Variants in PLPP4 observed in about 807,000 individuals in gnomAD.
The protein encoded by PLPP4 is phospholipid phosphatase 4, also known as diacylglycerol pyrophosphate like 2.
A neutral mutation model predicts 32.2 loss-of-function variants in PLPP4; 20 were observed. That is an observed-to-expected ratio of 0.62 (90% confidence interval 0.44 to 0.90). The LOEUF (loss-of-function observed/expected upper bound fraction) is 0.90, where lower values mean the gene tolerates loss of function less well. Ranked by LOEUF, PLPP4 falls within the 40% of genes least tolerant of loss-of-function variation. The pLI is 0.00. For synonymous variants in PLPP4, 127 were observed against 133.0 expected, an observed-to-expected ratio of 0.95 and a Z score of 0.31; for missense variants, 257 against 353.1, an observed-to-expected ratio of 0.73 and a Z score of 2.18.
intron 1 of PLPP4, among the ~76,000 whole-genome samples, chr10:120,460,550 C>T (rs1163153304): frequency 2.6e-5 from 4 of 152,070 alleles, no homozygotes; most frequent in Non-Finnish European, 4.4e-5. Flanking sequence ...AAGACTATCC[C>T]GTATGCCATT....
intron 1 of PLPP4, among the ~76,000 whole-genome samples, chr10:120,483,946 T>C (rs1483755546): frequency 6.6e-6 from 1 of 152,172 alleles, no homozygotes; most frequent in Non-Finnish European, 1.5e-5. Context: ...CTTTATAAAT[T>C]ACCCAGTCTC....
intron 5 of PLPP4, among the ~76,000 whole-genome samples, chr10:120,555,099 G>A (rs1848093941): frequency 1.3e-5 from 2 of 152,028 alleles, no homozygotes; most frequent in Non-Finnish European, 2.9e-5. Context: ...GGGGGTGGGG[G>A]TGGAAGAGAG....
intron 5 of PLPP4, among the ~76,000 whole-genome samples, chr10:120,552,162 T>TGG (rs1430350545): frequency 1.1e-4 from 9 of 79,690 alleles, no homozygotes; most frequent in African/African-American, 1.6e-4. Flanking sequence ...TTAGTGGTGG[T>TGG]GGGGTGTGTG....
intron 1 of PLPP4, among the ~76,000 whole-genome samples, chr10:120,492,562 C>T (rs965070258): frequency 6.6e-6 from 1 of 152,204 alleles, no homozygotes; most frequent in Non-Finnish European, 1.5e-5. Context: ...TATTCCTCCC[C>T]ACAGCTGCTG....
rs899669550 is a variant in PLPP4, at chr10:120,491,857, A to G, written c.57-11961A>G. Among the ~76,000 whole-genome samples, 5 of 152,250 alleles carry G rather than the reference A, an allele frequency of 3.3e-5. No individual in the cohort carries two copies. The South Asian group carries it at 1.0e-3, about 32-fold the overall frequency. On this transcript the variant is annotated intron_variant, in intron 1 of 6. Transcript: ENST00000398250. ...CAACAACAACAAAACCCAACAACAAACATACAAGCAAACAAAAAAACCCAA... is the reference window on the plus strand; with the variant it reads ...CAACAACAACAAAACCCAACAACAAGCATACAAGCAAACAAAAAAACCCAA...
chr10:120,462,837 G>A (rs1408302756), intron 1 of PLPP4, among the ~76,000 whole-genome samples: 1 of 152,110 alleles, frequency 6.6e-6, no homozygotes, highest in African/African-American at 2.4e-5. Flanking sequence ...AGCACCGCAG[G>A]GTGGAGGCAG....
At chr10:120,486,686 C>A (rs1360657108) in intron 1 of PLPP4, among the ~76,000 whole-genome samples, 2 of 152,212 alleles carry the variant, frequency 1.3e-5, no homozygotes, top group African/African-American at 4.8e-5. Flanking sequence ...GACGTTTTTG[C>A]CATTGCTTAT....
intron 5 of PLPP4, among the ~76,000 whole-genome samples, chr10:120,540,850 A>C (rs992445589): frequency 6.6e-6 from 1 of 152,214 alleles, no homozygotes; most frequent in African/African-American, 2.4e-5. Context: ...GAGAAGTGAG[A>C]GCATTTCTGA....
intron 1 of PLPP4, among the ~76,000 whole-genome samples, chr10:120,474,719 G>GA (rs1308027905): frequency 6.6e-6 from 1 of 152,164 alleles, no homozygotes; most frequent in Non-Finnish European, 1.5e-5. Context: ...AACTGGGGTT[G>GA]TTTGGCTTTA....
At chr10:120,575,723 G>T (rs1400680723) in intron 6 of PLPP4, among the ~76,000 whole-genome samples, 1 of 152,144 alleles carries the variant, frequency 6.6e-6, no homozygotes, top group Non-Finnish European at 1.5e-5. Context: ...TCTTCCGAAA[G>T]GTATATCTAG....
chr10:120,552,165 G>GTGTGTGTGTGTGTGT (rs1847932096), intron 5 of PLPP4, among the ~76,000 whole-genome samples: 1 of 138,546 alleles, frequency 7.2e-6, no homozygotes, highest in Admixed American at 7.3e-5. Flanking sequence ...GTGGTGGTGG[G>GTGTGTGTGTGTGTGT]GTGTGTGTGT....
At chr10:120,489,397 T>C (rs1395772833) in intron 1 of PLPP4, among the ~76,000 whole-genome samples, 1 of 152,008 alleles carries the variant, frequency 6.6e-6, no homozygotes, top group Non-Finnish European at 1.5e-5. Flanking sequence ...CTTCAGAGAG[T>C]GGGACCAAGG....
chr10:120,513,706 C>T (rs1038942473), intron 2 of PLPP4, among the ~76,000 whole-genome samples: 7 of 152,154 alleles, frequency 4.6e-5, no homozygotes, highest in African/African-American at 1.7e-4. Flanking sequence ...TTATAACCTA[C>T]AATCAGATCT....
chr10:120,486,597 ATAT>A (rs1844467844), intron 1 of PLPP4, among the ~76,000 whole-genome samples: 1 of 152,230 alleles, frequency 6.6e-6, no homozygotes, highest in Non-Finnish European at 1.5e-5. Flanking sequence ...GTTACACGTT[ATAT>A]TATTGTTTTA....
intron 6 of PLPP4, among the ~76,000 whole-genome samples, chr10:120,583,896 G>A (rs1849634244): frequency 6.6e-6 from 1 of 152,236 alleles, no homozygotes; most frequent in Admixed American, 6.5e-5. Flanking sequence ...GGTGGTAGGT[G>A]TGAGGCCACA....
intron 5 of PLPP4, among the ~76,000 whole-genome samples, chr10:120,564,863 A>G (rs868486500): frequency 1.3e-5 from 2 of 152,082 alleles, no homozygotes; most frequent in African/African-American, 2.4e-5. Flanking sequence ...AAATTTTTAA[A>G]TAGGGAGCAA....
At chr10:120,587,397 G>GCC (rs1849812494) in intron 6 of PLPP4, 2 of 152,182 alleles carry the variant, frequency 1.3e-5, no homozygotes, top group African/African-American at 4.8e-5. Flanking sequence ...AACTTATGCT[G>GCC]CCATCACGGA....
At chr10:120,511,833 C>G (rs934507032) in intron 2 of PLPP4, among the ~76,000 whole-genome samples, 1 of 152,164 alleles carries the variant, frequency 6.6e-6, no homozygotes, top group Non-Finnish European at 1.5e-5. Flanking sequence ...GTGGCTCACA[C>G]CTGTAATCCC....
chr10:120,555,716 G>A (rs1848132155), intron 5 of PLPP4, among the ~76,000 whole-genome samples: 2 of 152,208 alleles, frequency 1.3e-5, no homozygotes, highest in Admixed American at 1.3e-4. Context: ...TTCAAGTCTT[G>A]TATCTATCAC....
Sources: gnomAD v4.1 joint callset for allele counts (sites outside exome capture counted in the v4.1 genomes callset) on GRCh38, gnomAD v4.1.1 for gene constraint, MANE v1.5 for transcripts, NCBI Gene and HGNC (gene_info 2026-07-23, HGNC 2026-07-21) for gene names.